The following RCAN2 variants were observed in gnomAD, a reference collection of about 807,000 sequenced individuals.
RCAN2 encodes calcipressin-2.
Under a neutral mutation model 23.6 loss-of-function variants are expected in RCAN2, and 9 were observed. The observed-to-expected ratio is 0.38, with a 90% CI of 0.23 to 0.67. The LOEUF is 0.67. RCAN2 is among the 30% of genes least tolerant of loss of function. The pLI, the probability that RCAN2 is intolerant of heterozygous loss-of-function variation, is 0.51. For missense variants in RCAN2, 273 were observed against 302.3 expected, an observed-to-expected ratio of 0.90 and a Z score of 0.72; for synonymous variants, 109 against 115.7, an observed-to-expected ratio of 0.94 and a Z score of 0.37.
Position 46,430,192 on chromosome 6 carries a change from A to G in RCAN2, c.225+26560T>C, listed in dbSNP as rs74726322. On this transcript the variant is annotated intron_variant, in intron 2 of 4. Transcript: ENST00000371374. ...GCAGACCAAGACAGAGACAACTGCA[A>G]TAGTCGAGATGAGAGATGCCTGAAG... Among the ~76,000 whole-genome samples, 839 of 152,350 alleles carry G rather than the reference A, an allele frequency of 5.5e-3. 7 individuals are homozygous for G. Among genetic ancestry groups the G allele is most frequent in the African/African-American group, 0.019 (799 of 41,576 alleles).
At chr6:46,284,428 A>G (rs1005752574) in intron 2 of RCAN2, among the ~76,000 whole-genome samples, 18 of 152,308 alleles carry the variant, frequency 1.2e-4, no homozygotes, top group African/African-American at 4.1e-4. Context: ...ACTATCTAGA[A>G]GGGAATGACT....
chr6:46,334,703 G>C (rs996136395), intron 2 of RCAN2, among the ~76,000 whole-genome samples: 8 of 152,096 alleles, frequency 5.3e-5, no homozygotes, highest in African/African-American at 1.9e-4. Context: ...GCAGACTCAG[G>C]GACAGTGTTC....
At chr6:46,233,583 G>GGCA (rs766650456) in intron 4 of RCAN2, among the ~76,000 whole-genome samples, 2 of 152,134 alleles carry the variant, frequency 1.3e-5, no homozygotes, top group Non-Finnish European at 2.9e-5. Context: ...CAGAGAATTC[G>GGCA]GAGATCTCAG....
chr6:46,260,658 G>A (rs1767081783), intron 2 of RCAN2, among the ~76,000 whole-genome samples: 1 of 152,144 alleles, frequency 6.6e-6, no homozygotes, highest in South Asian at 2.1e-4. Context: ...TGAACCCAGG[G>A]CTTGTTCTGG....
At chr6:46,387,361 A>C (rs1402698240) in intron 2 of RCAN2, among the ~76,000 whole-genome samples, 4 of 152,220 alleles carry the variant, frequency 2.6e-5, no homozygotes, top group Admixed American at 1.3e-4. Flanking sequence ...CATCTGACAA[A>C]GGGCTAATAT....
chr6:46,338,675 G>A (rs116193663), intron 2 of RCAN2, among the ~76,000 whole-genome samples: 2,139 of 152,246 alleles, frequency 0.014, 54 homozygotes, highest in African/African-American at 0.048. Flanking sequence ...AACTAGTTCT[G>A]TGAATTATAC....
intron 2 of RCAN2, among the ~76,000 whole-genome samples, chr6:46,446,534 T>A (rs1434233045): frequency 6.6e-6 from 1 of 152,164 alleles, no homozygotes; most frequent in Non-Finnish European, 1.5e-5. Context: ...CTGGTAAAAA[T>A]CAGTACACAG....
Position 46,418,695 on chromosome 6 carries a change from G to GTATATATATATA in RCAN2, c.225+38045_225+38056dup, listed in dbSNP as rs70996369. On this transcript the variant is annotated intron_variant, in intron 2 of 4. Coordinates refer to ENST00000371374, the MANE Select transcript of RCAN2 (RefSeq NM_001251974.2). ...AATCATCTCTAAAATATGTGTGTGT[G>GTATATATATATA]TATATATATATATATATATATATAT... Among the ~76,000 whole-genome samples the GTATATATATATA allele has an allele frequency of 3.9e-3, 476 of 121,256 alleles. 6 individuals are homozygous for GTATATATATATA. The highest frequency in any genetic ancestry group is 0.013 in the South Asian group (45 of 3,406). The allele number at this position is 121,256 out of a possible 152,430, so 79.5% of individuals were successfully genotyped here. A position where few individuals can be genotyped will look rare whatever the true frequency, so the allele number is the denominator to read the frequency against.
At chr6:46,413,957 G>A (rs1250070185) in intron 2 of RCAN2, among the ~76,000 whole-genome samples, 3 of 152,082 alleles carry the variant, frequency 2.0e-5, no homozygotes, top group East Asian at 1.9e-4. Context: ...GCAAGACCAC[G>A]GCCCCCAGCC....
At chr6:46,466,135 G>A (rs1208068940) in intron 1 of RCAN2, among the ~76,000 whole-genome samples, 1 of 152,154 alleles carries the variant, frequency 6.6e-6, no homozygotes, top group East Asian at 1.9e-4. Flanking sequence ...CTTAAAGAAG[G>A]CCCAAAGCCT....
chr6:46,413,032 T>C (rs1272275168), intron 2 of RCAN2, among the ~76,000 whole-genome samples: 1 of 152,234 alleles, frequency 6.6e-6, no homozygotes, highest in Non-Finnish European at 1.5e-5. Context: ...AAAATGATTG[T>C]CTTTAATCAA....
chr6:46,451,277 G>A (rs1767874888), intron 2 of RCAN2, among the ~76,000 whole-genome samples: 1 of 152,080 alleles, frequency 6.6e-6, no homozygotes, highest in Admixed American at 6.6e-5. Context: ...TGGGGGATTT[G>A]GATGTGTAAT....
chr6:46,317,675 C>A lies in RCAN2; in HGVS notation c.226-68779G>T, dbSNP rs184462724. 7.9e-5 allele frequency among the ~76,000 whole-genome samples: 12 copies of A among 152,194 alleles called. No homozygotes were observed. The East Asian group carries it at 1.5e-3, about 20-fold the overall frequency. On this transcript the variant is annotated intron_variant, in intron 2 of 4. Transcript: ENST00000371374. ...AGAGACGGGGTTTCACCGTGTTAGC[C>A]AGGATGGTCTCGATCTCCTGACCTT...
At chr6:46,306,266 G>A (rs764840539) in intron 2 of RCAN2, among the ~76,000 whole-genome samples, 1 of 152,030 alleles carries the variant, frequency 6.6e-6, no homozygotes, top group Non-Finnish European at 1.5e-5. Flanking sequence ...CTATTCCTTG[G>A]CCTGTTCAGT....
Position 46,446,021 on chromosome 6 carries a change from A to G in RCAN2, c.225+10731T>C, listed in dbSNP as rs1389020607. Among the ~76,000 whole-genome samples, 5 of 152,246 alleles carry G rather than the reference A, an allele frequency of 3.3e-5. No individual in the cohort carries two copies. The East Asian group carries it at 7.7e-4, about 23-fold the overall frequency. On this transcript the variant is annotated intron_variant, in intron 2 of 4. Transcript: ENST00000371374. ...AATTCAGTTAAAGAAATAATAACAGAAAATTTTTCAAATCTGGAAAAATAT... is the reference window on the plus strand; with the variant it reads ...AATTCAGTTAAAGAAATAATAACAGGAAATTTTTCAAATCTGGAAAAATAT...
intron 2 of RCAN2, among the ~76,000 whole-genome samples, chr6:46,314,222 C>T (rs531823333): frequency 6.6e-6 from 1 of 151,784 alleles, no homozygotes; most frequent in Non-Finnish European, 1.5e-5. Context: ...ATTAGCCAGG[C>T]CTGGTGGCAC....
At chr6:46,413,553 T>G (rs747691910) in intron 2 of RCAN2, among the ~76,000 whole-genome samples, 8 of 152,214 alleles carry the variant, frequency 5.3e-5, no homozygotes, top group Non-Finnish European at 1.0e-4. Context: ...TATGTGAGGT[T>G]TTTTATAAAA....
At chr6:46,365,810 C>T (rs771431402) in intron 2 of RCAN2, among the ~76,000 whole-genome samples, 1 of 152,144 alleles carries the variant, frequency 6.6e-6, no homozygotes, top group African/African-American at 2.4e-5. Flanking sequence ...AATTAATTGA[C>T]TATAGTTTAG....
At chr6:46,446,709 C>T (rs771469503) in intron 2 of RCAN2, among the ~76,000 whole-genome samples, 7 of 151,830 alleles carry the variant, frequency 4.6e-5, no homozygotes, top group South Asian at 2.1e-4. Context: ...ACATAAAATG[C>T]GGAAAGAGGA....
Sources: gnomAD v4.1 joint callset for allele counts (sites outside exome capture counted in the v4.1 genomes callset) on GRCh38, gnomAD v4.1.1 for gene constraint, MANE v1.5 for transcripts, NCBI Gene and HGNC (gene_info 2026-07-23, HGNC 2026-07-21) for gene names.